LRP2: variants seen among roughly 807,000 people sequenced by gnomAD.
The protein encoded by LRP2 is low-density lipoprotein receptor-related protein 2.
A neutral mutation model predicts 531.0 loss-of-function variants in LRP2; 172 were observed. The observed-to-expected ratio is 0.32, with a 90% CI of 0.29 to 0.37. The LOEUF is 0.37. LRP2 is among the 10% of genes least tolerant of loss of function. The pLI is 1.00. For missense variants in LRP2, 5,167 were observed against 5,868.3 expected (o/e 0.88, Z 3.90); for synonymous variants, 1,992 against 2,027.6 (o/e 0.98, Z 0.47).
chr2:169,362,494 T>C lies in LRP2; in HGVS notation c.-95A>G. 4.5e-6 allele frequency: 5 copies of C among 1,118,790 alleles called. No individual in the cohort carries two copies. Among genetic ancestry groups the C allele is most frequent in the Non-Finnish European group, 6.5e-6 (5 of 765,980 alleles). 69.3% of individuals were successfully genotyped at this position (1,118,790 alleles called of 1,614,324 possible). A position where few individuals can be genotyped will look rare whatever the true frequency, so the allele number is the denominator to read the frequency against. On this transcript the variant is annotated 5_prime_UTR_variant, in exon 1 of 79. Coordinates refer to ENST00000649046, the MANE Select transcript of LRP2 (RefSeq NM_004525.3). Reference sequence around the variant, plus strand: ...AGCGCCTCTGCTAGCGAACGCTCCTTTAGGTCTGCACCTCCGCCAGCTCCT... The same window carrying C: ...AGCGCCTCTGCTAGCGAACGCTCCTCTAGGTCTGCACCTCCGCCAGCTCCT...
intron 36 of LRP2, 103 bp downstream of exon 36, chr2:169,213,554 G>C: frequency 2.2e-6 from 2 of 929,366 alleles, no homozygotes; most frequent in Non-Finnish European, 3.6e-6. Flanking sequence ...TTGTATGCAC[G>C]TGTATGTACG....
At chr2:169,294,324 T>C (rs569127796) in intron 5 of LRP2, 63 bp from the exon 6 acceptor site, 2 of 1,002,158 alleles carry the variant, frequency 2.0e-6, no homozygotes, top group Non-Finnish European at 3.2e-6. Flanking sequence ...AGCCATTTAA[T>C]CTCAAAGGAA....
chr2:169,339,693 C>G (rs543950735), intron 1 of LRP2, among the ~76,000 whole-genome samples: 13 of 152,106 alleles, frequency 8.5e-5, no homozygotes, highest in African/African-American at 1.4e-4. Flanking sequence ...GAATTACTAA[C>G]CCCTGTTATT....
intron 48 of LRP2, among the ~76,000 whole-genome samples, chr2:169,190,113 C>T (rs371848713): frequency 3.1e-4 from 47 of 152,304 alleles, no homozygotes; most frequent in East Asian, 2.9e-3. Flanking sequence ...ATGCTATTAG[C>T]TATTTACCAA....
Position 169,247,453 on chromosome 2 carries a change from C to T in LRP2, c.2833G>A (p.Gly945Arg). The T allele has an allele frequency of 6.2e-7, 1 of 1,614,132 alleles. No individual in the cohort carries two copies. The highest frequency in any genetic ancestry group is 8.5e-7 in the Non-Finnish European group (1 of 1,179,990). The change falls in exon 20 of 79, where the codon GGA (glycine) becomes AGA (arginine). Residue 945 changes from glycine to arginine, a missense_variant. Gly to Arg is a moderately radical substitution (Grantham distance 125). This residue lies in a region of LRP2 where 2,811 missense variants were observed against 3,058.0 expected (regional missense o/e 0.92). Transcript: ENST00000649046. Reference sequence around the variant, plus strand: ...CCACTTCGGATAACTGTCATTTCTCCACCATCTGCTTTCCTGACTCGAATA... The same window carrying T: ...CCACTTCGGATAACTGTCATTTCTCTACCATCTGCTTTCCTGACTCGAATA... The part of the protein sequence containing the change: ...AIIRVRKADG[G>R]EMTVIRSGIA...
At chr2:169,131,299 G>A (rs951921799) in intron 77 of LRP2, among the ~76,000 whole-genome samples, 1 of 149,500 alleles carries the variant, frequency 6.7e-6, no homozygotes, top group African/African-American at 2.5e-5. Context: ...GACATGAGAA[G>A]AAGAAATAAG....
intron 33 of LRP2, among the ~76,000 whole-genome samples, chr2:169,223,594 G>C (rs1256384194): frequency 6.6e-6 from 1 of 152,176 alleles, no homozygotes; most frequent in East Asian, 1.9e-4. Context: ...GGTTAAACCA[G>C]TCTGGATTGC....
chr2:169,322,330 TA>T (rs746791712), intron 1 of LRP2, among the ~76,000 whole-genome samples: 3 of 152,190 alleles, frequency 2.0e-5, no homozygotes, highest in Non-Finnish European at 4.4e-5. Context: ...GATTGTCTGG[TA>T]GTGACATCCT....
chr2:169,213,315 C>A (rs1240870726), intron 36 of LRP2, among the ~76,000 whole-genome samples: 1 of 152,104 alleles, frequency 6.6e-6, no homozygotes, highest in Non-Finnish European at 1.5e-5. Context: ...ACAAGACAGA[C>A]AAAATGCCTG....
chr2:169,183,781 T>C (rs1687526907), intron 50 of LRP2, among the ~76,000 whole-genome samples: 1 of 152,228 alleles, frequency 6.6e-6, no homozygotes, highest in South Asian at 2.1e-4. Flanking sequence ...TAAAAAGTTA[T>C]ATCAAATGCA....
chr2:169,300,374 T>C (rs1281894876), intron 4 of LRP2, among the ~76,000 whole-genome samples: 1 of 152,076 alleles, frequency 6.6e-6, no homozygotes, highest in African/African-American at 2.4e-5. Flanking sequence ...CAGTCATTGG[T>C]AGCATTGAAA....
At chr2:169,306,704 T>TAGATGATG (rs1553512061) in intron 4 of LRP2, among the ~76,000 whole-genome samples, 30 of 151,354 alleles carry the variant, frequency 2.0e-4, no homozygotes, top group African/African-American at 7.3e-4. Context: ...TACCTGTTAC[T>TAGATGATG]AGATAATGAA....
chr2:169,271,081 A>T lies in LRP2; in HGVS notation c.2143T>A (p.Ser715Thr), dbSNP rs1408537390. ...IAVQNFLIFS[S>T]QVAIRGIPFT... is the part of the protein sequence containing the mutation. The stretch of plus-strand genomic sequence containing the variant: ...GGGATCCCACGAATAGCAACTTGGG[A>T]TGAAAAAATGAGGAAATTCTGAACA... The change falls in exon 16 of 79, where the codon TCC becomes ACC. Residue 715 changes from serine to threonine, a missense_variant. Ser to Thr is a moderately conservative substitution (Grantham distance 58, BLOSUM62 1). Coordinates refer to ENST00000649046, the MANE Select transcript of LRP2 (RefSeq NM_004525.3). 6.2e-7 allele frequency: 1 copy of T among 1,612,880 alleles called. No individual in the cohort carries two copies. The highest frequency in any genetic ancestry group is 8.5e-7 in the Non-Finnish European group (1 of 1,179,352).
intron 12 of LRP2, among the ~76,000 whole-genome samples, chr2:169,278,401 T>C (rs1452282410): frequency 1.3e-5 from 2 of 152,074 alleles, no homozygotes; most frequent in African/African-American, 4.8e-5. Context: ...GGAGGATTGC[T>C]TGAGCCCAGA....
intron 30 of LRP2, among the ~76,000 whole-genome samples, chr2:169,232,165 A>G (rs1689431043): frequency 6.6e-6 from 1 of 152,040 alleles, no homozygotes. Context: ...TATGATGCCA[A>G]ATAATCTGTC....
chr2:169,233,843 C>T (rs1689504178), intron 29 of LRP2, among the ~76,000 whole-genome samples: 1 of 152,194 alleles, frequency 6.6e-6, no homozygotes, highest in Non-Finnish European at 1.5e-5. Context: ...CACTGGGCAT[C>T]TATTTTACAA....
intron 65 of LRP2, among the ~76,000 whole-genome samples, chr2:169,155,196 G>T (rs1686287224): frequency 6.6e-6 from 1 of 152,078 alleles, no homozygotes; most frequent in Admixed American, 6.6e-5. Flanking sequence ...TCTAGAATTT[G>T]TTAAGTTTAA....
chr2:169,361,338 C>G (rs1009754073), intron 1 of LRP2, among the ~76,000 whole-genome samples: 4 of 71,228 alleles, frequency 5.6e-5, no homozygotes, highest in African/African-American at 2.1e-4. Flanking sequence ...CTGTCTCTCT[C>G]TGTCTCTCTC....
intron 16 of LRP2, among the ~76,000 whole-genome samples, chr2:169,267,818 C>T (rs1352296142): frequency 6.6e-6 from 1 of 152,034 alleles, no homozygotes; most frequent in Non-Finnish European, 1.5e-5. Flanking sequence ...AATCCAGGAG[C>T]TGGTTTTTTG....
Sources: allele counts gnomAD v4.1 joint callset (sites outside exome capture counted in the v4.1 genomes callset), GRCh38; gene constraint gnomAD v4.1.1; regional missense constraint gnomAD v4.1.1; transcripts MANE v1.5; gene names NCBI Gene and HGNC (gene_info 2026-07-23, HGNC 2026-07-21).